LRRC9: variants seen among roughly 807,000 people sequenced by gnomAD.
LRRC9 encodes leucine-rich repeat-containing protein 9.
Under a neutral mutation model 63.2 loss-of-function variants are expected in LRRC9, and 122 were observed. The ratio of observed to expected loss-of-function variants is 1.93; its 90% CI spans 1.67 to 2.24. The LOEUF (loss-of-function observed/expected upper bound fraction) is 2.24. Ranked by LOEUF, LRRC9 falls within the 30% of genes most tolerant of loss-of-function variation. The pLI, the probability that LRRC9 is intolerant of heterozygous loss-of-function variation, is 0.00. For missense variants in LRRC9, 1,071 were observed against 627.7 expected, an observed-to-expected ratio of 1.71 and a Z score of -7.55; for synonymous variants, 366 against 213.1, an observed-to-expected ratio of 1.72 and a Z score of -6.25.
At position 59,990,963 on chromosome 14, in the gene LRRC9, C is replaced by A. The variant is rs1220706676; in HGVS notation, c.2211+5739C>A. Among the ~76,000 whole-genome samples the A allele has an allele frequency of 6.6e-6, 1 of 152,144 alleles. No individual in the cohort carries two copies. Among genetic ancestry groups the A allele is most frequent in the Non-Finnish European group, 1.5e-5 (1 of 68,026 alleles). On this transcript the variant is annotated intron_variant, in intron 17 of 31. Transcript: ENST00000445360. This position sits in a 1 kb window ranked among gnomAD's most constrained non-coding sequence, Gnocchi z 4.2. ...ACTTCTTTTGGAGCCTATAGAGCAA[C>A]CTTGTCATGTAGTTTTGTTGTAAAC...
intron 29 of LRRC9, among the ~76,000 whole-genome samples, chr14:60,037,946 G>C (rs1294701529): frequency 1.3e-5 from 2 of 152,178 alleles, no homozygotes; most frequent in African/African-American, 4.8e-5. Flanking sequence ...TTTTGTATAA[G>C]ATGTAAGGAA....
chr14:59,991,211 C>T lies in LRRC9; in HGVS notation c.2211+5987C>T, dbSNP rs74600070. On this transcript the variant is annotated intron_variant, in intron 17 of 31. Coordinates refer to ENST00000445360, the Ensembl canonical transcript of LRRC9. ...GTTTTTAAATTTGCTTTGGGATACT[C>T]ATCTTTACTGTCATTTTCCTTAAGT... is the stretch of plus-strand genomic sequence containing the variant. Among the ~76,000 whole-genome samples the T allele has an allele frequency of 7.1e-3, 1,079 of 152,292 alleles. 9 individuals carry two copies. The highest frequency in any genetic ancestry group is 0.024 in the African/African-American group (1,012 of 41,540).
intron 29 of LRRC9, among the ~76,000 whole-genome samples, chr14:60,037,035 G>A (rs1031667772): frequency 6.6e-5 from 10 of 152,148 alleles, no homozygotes; most frequent in Admixed American, 3.3e-4. Flanking sequence ...CTGTCCTTGC[G>A]ATAGTTTGCT....
At chr14:60,023,851 G>A (rs1470918972) in intron 27 of LRRC9, among the ~76,000 whole-genome samples, 1 of 152,034 alleles carries the variant, frequency 6.6e-6, no homozygotes, top group African/African-American at 2.4e-5. Context: ...CTGTGTCCAT[G>A]TGCTCTCACT....
intron 31 of LRRC9, among the ~76,000 whole-genome samples, 193 bp from the exon 33 acceptor site, chr14:60,063,130 G>C (rs1312776276): frequency 6.6e-6 from 1 of 152,006 alleles, no homozygotes; most frequent in African/African-American, 2.4e-5. Context: ...CCTGACCTCA[G>C]GTGATCCACC....
intron 23 of LRRC9, among the ~76,000 whole-genome samples, chr14:60,013,186 A>G (rs1890396040): frequency 6.6e-6 from 1 of 150,482 alleles, no homozygotes; most frequent in South Asian, 2.1e-4. Context: ...AAGCAGAACT[A>G]GTAAGATAGA....
In LRRC9 at chr14:60,019,108, A is replaced by G. The variant is rs1393703367; in HGVS notation, c.3427-13A>G. 3 of 657,766 alleles carry G rather than the reference A, an allele frequency of 4.6e-6. No homozygotes were observed. The highest frequency in any genetic ancestry group is 3.6e-5 in the African/African-American group (2 of 54,818). 40.7% of individuals were successfully genotyped at this position (657,766 alleles called of 1,614,324 possible). ...TTCTAGGATTTCTGATTAATAAGAT[A>G]TTCTTTCTGTAGGTCTTATGCCTTA... On this transcript the variant is annotated splice_polypyrimidine_tract_variant and intron_variant, in intron 25 of 31. Coordinates refer to ENST00000445360, the Ensembl canonical transcript of LRRC9.
intron 17 of LRRC9, among the ~76,000 whole-genome samples, chr14:59,991,270 T>G (rs1175124135): frequency 6.6e-6 from 1 of 152,200 alleles, no homozygotes; most frequent in Admixed American, 6.5e-5. Context: ...ATGCCCTTCT[T>G]GCATGCTTCT....
chr14:59,987,607 T>C (rs1887626447), intron 17 of LRRC9, among the ~76,000 whole-genome samples: 1 of 151,886 alleles, frequency 6.6e-6, no homozygotes, highest in African/African-American at 2.4e-5. Flanking sequence ...TCCCATCTTC[T>C]ATATTTCCTG....
intron 8 of LRRC9, among the ~76,000 whole-genome samples, chr14:59,944,998 T>G (rs906420167): frequency 6.6e-6 from 1 of 151,964 alleles, no homozygotes; most frequent in Non-Finnish European, 1.5e-5. Context: ...AAAAAAGGTA[T>G]AGGCTTATTA....
At chr14:59,984,096 T>C (rs1295920028) in intron 16 of LRRC9, among the ~76,000 whole-genome samples, 2 of 152,210 alleles carry the variant, frequency 1.3e-5, no homozygotes, top group African/African-American at 4.8e-5. Context: ...ATCAACAGTA[T>C]GTTAGATAGT....
intron 23 of LRRC9, among the ~76,000 whole-genome samples, chr14:60,015,719 A>T (rs1890623345): frequency 6.6e-6 from 1 of 152,154 alleles, no homozygotes; most frequent in African/African-American, 2.4e-5. Context: ...TGGAAGTGGG[A>T]ATCCAAACTC....
chr14:60,030,040 C>T (rs545949667), intron 28 of LRRC9, among the ~76,000 whole-genome samples: 1 of 152,198 alleles, frequency 6.6e-6, no homozygotes, highest in East Asian at 1.9e-4. Flanking sequence ...AACTTCTGAA[C>T]TCTCACTTCA....
intron 1 of LRRC9, 26 bp downstream of exon 1, chr14:59,920,299 T>C (rs998860977): frequency 2.6e-5 from 4 of 152,212 alleles, no homozygotes; most frequent in Admixed American, 6.5e-5. Flanking sequence ...CTGGTGGCCT[T>C]CGGGCGTACA....
At chr14:59,999,519 A>G (rs1480413047) in intron 19 of LRRC9, among the ~76,000 whole-genome samples, 2 of 152,094 alleles carry the variant, frequency 1.3e-5, no homozygotes, top group Non-Finnish European at 2.9e-5. Context: ...TAGAGCCTAC[A>G]TGAAAATAAG....
rs117838866 is a variant in LRRC9 at position 60,036,484 on chromosome 14, T to G, written c.3990+4421T>G. On this transcript the variant is annotated intron_variant, in intron 29 of 31. Coordinates refer to ENST00000445360, the Ensembl canonical transcript of LRRC9. ...AAAGGGCATGATGATTCCTTCACAT[T>G]GATGACTTTGACTCTTCTGAAGATT... is the stretch of plus-strand genomic sequence containing the variant. 9.0e-3 allele frequency among the ~76,000 whole-genome samples: 1,376 copies of G among 152,306 alleles called. 9 individuals carry two copies. The highest frequency in any genetic ancestry group is 0.017 in the Middle Eastern group (5 of 294).
At position 59,938,632 on chromosome 14, in the gene LRRC9, C is replaced by T; in HGVS notation, c.726+60C>T. ...AGTTTTATTAGTTAACGGCTTCTTT[C>T]TGGCCATGTCCACATACGGTAGGTA... On this transcript the variant is annotated intron_variant, in intron 7 of 31. Transcript: ENST00000445360. This position sits in a 1 kb window ranked among gnomAD's most constrained non-coding sequence, Gnocchi z 4.2. 1.6e-6 allele frequency: 1 copy of T among 615,234 alleles called. No homozygotes were observed. The highest frequency in any genetic ancestry group is 2.9e-6 in the Non-Finnish European group (1 of 345,452). The allele number at this position is 615,234 out of a possible 1,614,324, so 38.1% of individuals were successfully genotyped here. A position where few individuals can be genotyped will look rare whatever the true frequency, so the allele number is the denominator to read the frequency against.
At position 60,031,720 on chromosome 14, in the gene LRRC9, T is replaced by C. The variant is rs745498379; in HGVS notation, c.3922-275T>C. ...TATGAGTCCTAGAATAAATCATAATTCTGAGAAAAAAATTTGATCTTTTCT... is the reference window on the plus strand; with the variant it reads ...TATGAGTCCTAGAATAAATCATAATCCTGAGAAAAAAATTTGATCTTTTCT... On this transcript the variant is annotated intron_variant, in intron 28 of 31. Transcript: ENST00000445360. This position sits in a 1 kb window ranked among gnomAD's most constrained non-coding sequence, Gnocchi z 4.6. 5.9e-5 allele frequency among the ~76,000 whole-genome samples: 9 copies of C among 152,054 alleles called. No homozygotes were observed. Among genetic ancestry groups the C allele is most frequent in the Non-Finnish European group, 1.0e-4 (7 of 67,942 alleles).
At chr14:59,991,301 G>T (rs1026845528) in intron 17 of LRRC9, among the ~76,000 whole-genome samples, 2 of 152,116 alleles carry the variant, frequency 1.3e-5, no homozygotes, top group African/African-American at 4.8e-5. Flanking sequence ...AGGTAAGTTG[G>T]TTCTACTAAG....
Sources: gnomAD v4.1 joint callset for allele counts (sites outside exome capture counted in the v4.1 genomes callset) on GRCh38, gnomAD v4.1.1 for gene constraint, Gnocchi (gnomAD v3.1) non-coding constraint, MANE v1.5 for transcripts, NCBI Gene and HGNC (gene_info 2026-07-23, HGNC 2026-07-21) for gene names.